The following HTR2C variants were observed in gnomAD, a reference collection of about 807,000 sequenced individuals.
The protein encoded by HTR2C is 5-hydroxytryptamine (serotonin) receptor 2C, G protein-coupled.
In HTR2C, 5 loss-of-function variants were observed where a neutral mutation model predicts 21.0. The ratio of observed to expected loss-of-function variants is 0.24; its 90% CI spans 0.12 to 0.50. The LOEUF (loss-of-function observed/expected upper bound fraction) is 0.50. Ranked by LOEUF, HTR2C falls within the 20% of genes least tolerant of loss-of-function variation. The pLI is 0.98. For synonymous variants in HTR2C, 150 were observed against 145.3 expected (o/e 1.03, Z -0.23); for missense variants, 271 against 371.2 (o/e 0.73, Z 2.22).
intron 2 of HTR2C, among the ~76,000 whole-genome samples, chrX:114,674,657 A>G (rs1164793879): frequency 8.9e-6 from 1 of 111,853 alleles, no homozygotes; most frequent in Admixed American, 9.6e-5. Context: ...TTTATATTGC[A>G]TAGTGTCTTA....
intron 5 of HTR2C, among the ~76,000 whole-genome samples, chrX:114,905,997 AAAAC>A (rs1422334569): frequency 2.0e-4 from 22 of 111,675 alleles, no homozygotes; most frequent in East Asian, 1.1e-3. Flanking sequence ...GACTCAAAAT[AAAAC>A]AAACAAACAA....
At chrX:114,663,749 C>T (rs1392306176) in intron 2 of HTR2C, among the ~76,000 whole-genome samples, 4 of 111,124 alleles carry the variant, frequency 3.6e-5, no homozygotes, top group African/African-American at 1.3e-4. Context: ...GTAGTAAATC[C>T]ACTTACCTTT....
chrX:114,689,061 CACTTATAAGTG>C (rs1932018876), intron 2 of HTR2C, among the ~76,000 whole-genome samples: 1 of 107,804 alleles, frequency 9.3e-6, no homozygotes, highest in African/African-American at 3.4e-5. Flanking sequence ...CCTTAGCTCT[CACTTATAAGTG>C]AGAACATACA....
intron 4 of HTR2C, among the ~76,000 whole-genome samples, chrX:114,739,575 C>G (rs1486927735): frequency 9.1e-6 from 1 of 110,452 alleles, no homozygotes; most frequent in Non-Finnish European, 1.9e-5. Context: ...TTAAAAACAC[C>G]CCTAAAAGAC....
chrX:114,882,510 CCTT>C (rs2071189764), intron 5 of HTR2C, among the ~76,000 whole-genome samples: 2 of 110,531 alleles, frequency 1.8e-5, no homozygotes, highest in South Asian at 7.5e-4. Flanking sequence ...TGATGAGTTT[CCTT>C]CTATTTCTAT....
At chrX:114,624,642 A>C (rs2147812815) in intron 2 of HTR2C, among the ~76,000 whole-genome samples, 1 of 111,802 alleles carries the variant, frequency 8.9e-6, no homozygotes, top group Non-Finnish European at 1.9e-5. Context: ...CCTGATCTTT[A>C]TGTTATTGAC....
At chrX:114,598,894 A>AT (rs782496224) in intron 1 of HTR2C, among the ~76,000 whole-genome samples, 1 of 111,319 alleles carries the variant, frequency 9.0e-6, no homozygotes, top group Non-Finnish European at 1.9e-5. Context: ...AGATGAACAA[A>AT]TTAAGACTTA....
intron 2 of HTR2C, among the ~76,000 whole-genome samples, chrX:114,637,259 T>C (rs1394193996): frequency 9.0e-6 from 1 of 111,172 alleles, no homozygotes; most frequent in Non-Finnish European, 1.9e-5. Flanking sequence ...TGTAAGCAAA[T>C]GGTTGGGAAT....
At chrX:114,806,704 C>T (rs1167633334) in intron 4 of HTR2C, among the ~76,000 whole-genome samples, 1 of 95,909 alleles carries the variant, frequency 1.0e-5, no homozygotes, top group South Asian at 4.9e-4. Context: ...ACCATATATA[C>T]ACACCATATA....
chrX:114,822,689 C>T (rs1370034319), intron 4 of HTR2C, among the ~76,000 whole-genome samples: 5 of 111,692 alleles, frequency 4.5e-5, no homozygotes, highest in Non-Finnish European at 9.4e-5. Flanking sequence ...GTGAGACTAT[C>T]TCAGAAGAGA....
chrX:114,592,743 G>A (rs782598738), intron 1 of HTR2C, among the ~76,000 whole-genome samples: 2 of 111,634 alleles, frequency 1.8e-5, no homozygotes, highest in East Asian at 5.7e-4. Flanking sequence ...TAGACTCTTA[G>A]GGTTAGTAAT....
intron 2 of HTR2C, among the ~76,000 whole-genome samples, chrX:114,621,647 T>C (rs1929170149): frequency 9.0e-6 from 1 of 110,877 alleles, no homozygotes; most frequent in Non-Finnish European, 1.9e-5. Context: ...AGGATTACAG[T>C]TGAGCTAGGA....
At chrX:114,716,081 A>G (rs1423925011) in intron 2 of HTR2C, among the ~76,000 whole-genome samples, 1 of 112,781 alleles carries the variant, frequency 8.9e-6, no homozygotes, top group Non-Finnish European at 1.9e-5. Flanking sequence ...CTGCTCTTTG[A>G]AAACCTTCAG....
At chrX:114,628,665 T>A (rs1556403480) in intron 2 of HTR2C, among the ~76,000 whole-genome samples, 1 of 111,123 alleles carries the variant, frequency 9.0e-6, no homozygotes, top group Non-Finnish European at 1.9e-5. Flanking sequence ...AACTAGTAGT[T>A]GGCAAGTACG....
intron 2 of HTR2C, among the ~76,000 whole-genome samples, chrX:114,656,375 A>G (rs963346546): frequency 9.9e-5 from 11 of 111,337 alleles, no homozygotes; most frequent in African/African-American, 3.6e-4. Flanking sequence ...TTTTTAATTT[A>G]TTTTTTAACT....
chrX:114,845,842 T>G (rs1302387337), intron 4 of HTR2C, among the ~76,000 whole-genome samples: 1 of 107,907 alleles, frequency 9.3e-6, no homozygotes, highest in Non-Finnish European at 1.9e-5. Flanking sequence ...AAAACCCATC[T>G]CTACAAAAAA....
At chrX:114,775,975 G>A (rs2070052952) in intron 4 of HTR2C, 1 of 384,451 alleles carries the variant, frequency 2.6e-6, no homozygotes, top group South Asian at 3.7e-5. Context: ...TATGCTTAGT[G>A]TGTTCACAAG....
At chrX:114,754,967 C>T (rs782722015) in intron 4 of HTR2C, among the ~76,000 whole-genome samples, 5 of 111,980 alleles carry the variant, frequency 4.5e-5, no homozygotes, top group South Asian at 3.7e-4. Flanking sequence ...TGGCCGGGCA[C>T]GGTGGCTCAT....
At chrX:114,710,387 T>G (rs1473926018) in intron 2 of HTR2C, among the ~76,000 whole-genome samples, 1 of 110,362 alleles carries the variant, frequency 9.1e-6, no homozygotes, top group Non-Finnish European at 1.9e-5. Flanking sequence ...GTGGAAAAAT[T>G]TATAGTTTCT....
Sources: gnomAD v4.1 joint callset for allele counts (sites outside exome capture counted in the v4.1 genomes callset) on GRCh38, gnomAD v4.1.1 for gene constraint, MANE v1.5 for transcripts, NCBI Gene and HGNC (gene_info 2026-07-23, HGNC 2026-07-21) for gene names.